VPS13B: variants seen among roughly 807,000 people sequenced by gnomAD.
VPS13B encodes vacuolar protein sorting 13 homolog B, also known as intermembrane lipid transfer protein VPS13B.
VPS13B carries 285 observed loss-of-function variants against 426.4 expected under a neutral mutation model. The ratio of observed to expected loss-of-function variants is 0.67; its 90% confidence interval spans 0.61 to 0.74. The LOEUF (loss-of-function observed/expected upper bound fraction) is 0.74, where lower values mean the gene tolerates loss of function less well. Among genes scored for constraint, VPS13B ranks in the 30% least tolerant of loss-of-function variants. VPS13B has a pLI of 0.00. For synonymous variants in VPS13B, 1,676 were observed against 1,676.4 expected, an observed-to-expected ratio of 1.00 and a Z score of 0.01; for missense variants, 4,537 against 4,782.6, an observed-to-expected ratio of 0.95 and a Z score of 1.51.
In VPS13B at chr8:99,391,635, T is replaced by G. The variant is rs1563704394; in HGVS notation, c.3013T>G (p.Leu1005Val). 1 of 1,614,106 alleles carries G rather than the reference T, an allele frequency of 6.2e-7. No individual in the cohort carries two copies. Among genetic ancestry groups the G allele is most frequent in the Non-Finnish European group, 8.5e-7 (1 of 1,179,954 alleles). Residue 1005 changes from leucine to valine, a missense_variant, in exon 21 of 62, where the codon TTG becomes GTG. Physicochemically the swap from Leu to Val is conservative, Grantham distance 32 (BLOSUM62 1). Transcript: ENST00000357162. ...EDEVSIGSAP[L>V]AKQQSYQASE... ...TGAGGTGTCTATTGGAAGTGCCCCC[T>G]TGGCAAAGCAGCAATCATATCAGGC...
intron 39 of VPS13B, among the ~76,000 whole-genome samples, chr8:99,737,695 G>C (rs866803575): frequency 1.3e-5 from 2 of 152,300 alleles, no homozygotes; most frequent in Middle Eastern, 6.8e-3. Context: ...TGAAAACCTA[G>C]AGTTATACAA....
At chr8:99,640,103 AAAG>A (rs1829293739) in intron 33 of VPS13B, among the ~76,000 whole-genome samples, 1 of 150,140 alleles carries the variant, frequency 6.7e-6, no homozygotes, top group African/African-American at 2.4e-5. Flanking sequence ...AAAGAAAAGA[AAAG>A]AAAAGAAGAA....
intron 33 of VPS13B, among the ~76,000 whole-genome samples, chr8:99,603,081 A>G (rs1018139184): frequency 4.6e-5 from 7 of 152,256 alleles, no homozygotes; most frequent in African/African-American, 1.7e-4. Flanking sequence ...GAAGAATCCA[A>G]TTGAAAGAGA....
At chr8:99,478,949 A>G (rs1345155608) in intron 24 of VPS13B, among the ~76,000 whole-genome samples, 26 of 152,110 alleles carry the variant, frequency 1.7e-4, no homozygotes, top group Admixed American at 1.7e-3. Flanking sequence ...GCATTGTTCA[A>G]CCCAGATCAC....
At chr8:99,581,691 T>C (rs868229023) in intron 33 of VPS13B, among the ~76,000 whole-genome samples, 4 of 152,324 alleles carry the variant, frequency 2.6e-5, no homozygotes, top group Middle Eastern at 3.4e-3. Context: ...GAGAGTCATG[T>C]CACGTTAATA....
intron 39 of VPS13B, among the ~76,000 whole-genome samples, chr8:99,726,781 C>G (rs1833368389): frequency 6.6e-6 from 1 of 152,172 alleles, no homozygotes; most frequent in Non-Finnish European, 1.5e-5. Context: ...GTCTCGAACT[C>G]CCGACCTCAA....
intron 16 of VPS13B, among the ~76,000 whole-genome samples, chr8:99,182,173 TA>T (rs1291608186): frequency 1.3e-5 from 2 of 152,122 alleles, no homozygotes; most frequent in African/African-American, 2.4e-5. Flanking sequence ...CACTCATCAA[TA>T]AAAAATAATG....
intron 25 of VPS13B, among the ~76,000 whole-genome samples, chr8:99,485,362 A>C (rs541626677): frequency 6.6e-6 from 1 of 152,322 alleles, no homozygotes; most frequent in South Asian, 2.1e-4. Context: ...CTTATTAATA[A>C]GGCAATAAAA....
At chr8:99,808,340 A>G (rs1813511385) in intron 43 of VPS13B, among the ~76,000 whole-genome samples, 2 of 152,032 alleles carry the variant, frequency 1.3e-5, no homozygotes, top group Admixed American at 1.3e-4. Context: ...CAACATGGTG[A>G]AACCTCATCT....
chr8:99,613,660 A>G (rs1827936943), intron 33 of VPS13B: 1 of 152,214 alleles, frequency 6.6e-6, no homozygotes, highest in Admixed American at 6.5e-5. Flanking sequence ...TAAATGTCAA[A>G]GCACCCGGGA....
intron 19 of VPS13B, 22 bp from the exon 20 acceptor site, chr8:99,384,186 G>GT (rs1476184014): frequency 6.3e-7 from 1 of 1,591,792 alleles, no homozygotes. Flanking sequence ...TTATGTAACA[G>GT]TTTAAAAATC....
chr8:99,638,549 A>G (rs537586156), intron 33 of VPS13B, among the ~76,000 whole-genome samples: 5 of 152,316 alleles, frequency 3.3e-5, no homozygotes, highest in Middle Eastern at 3.4e-3. Context: ...TGAAGTCTTC[A>G]CAAAGAAGGT....
chr8:99,164,414 T>C (rs1206662213), intron 15 of VPS13B, among the ~76,000 whole-genome samples: 1 of 152,128 alleles, frequency 6.6e-6, no homozygotes, highest in Non-Finnish European at 1.5e-5. Context: ...CTGGTTAGTG[T>C]AAAAACAACA....
At chr8:99,772,563 G>C (rs1374348796) in intron 40 of VPS13B, among the ~76,000 whole-genome samples, 1 of 151,994 alleles carries the variant, frequency 6.6e-6, no homozygotes, top group East Asian at 1.9e-4. Flanking sequence ...ACAACAATGT[G>C]AATGTACTTA....
chr8:99,640,066 G>GAAGAAGAAGAAGAA (rs1563838997), intron 33 of VPS13B, among the ~76,000 whole-genome samples: 1 of 124,192 alleles, frequency 8.1e-6, no homozygotes, highest in African/African-American at 3.0e-5. Context: ...GAAAAGAAAA[G>GAAGAAGAAGAAGAA]AAAAGAAAAG....
intron 19 of VPS13B, among the ~76,000 whole-genome samples, chr8:99,280,026 G>T (rs11985671): frequency 1 from 152,326 of 152,328 alleles, 76,162 homozygotes; most frequent in Non-Finnish European, 1. Context: ...GCCTCTGCCT[G>T]CCAAAGTCCT....
chr8:99,761,403 T>C (rs1221711922), intron 39 of VPS13B, among the ~76,000 whole-genome samples: 1 of 152,206 alleles, frequency 6.6e-6, no homozygotes, highest in East Asian at 1.9e-4. Flanking sequence ...ACCCCACTGT[T>C]GGTGCAGTCC....
In VPS13B at chr8:99,533,884, C is replaced by A. The variant is rs182731448; in HGVS notation, c.4745+12874C>A. Reference sequence around the variant, plus strand: ...GATGCAGTGTTAAGATTAAATTCTACAAATCCCCACAAAACTGTTTCCTCC... The same window carrying A: ...GATGCAGTGTTAAGATTAAATTCTAAAAATCCCCACAAAACTGTTTCCTCC... On this transcript the variant is annotated intron_variant, in intron 30 of 61. Coordinates refer to ENST00000357162, the MANE Select transcript of VPS13B (RefSeq NM_152564.5). Among the ~76,000 whole-genome samples the A allele has an allele frequency of 1.5e-4, 23 of 152,264 alleles. No individual in the cohort carries two copies. In the East Asian group the frequency reaches 4.4e-3, roughly 29 times the overall value.
chr8:99,152,973 T>C (rs1811153212), intron 14 of VPS13B, among the ~76,000 whole-genome samples: 1 of 152,152 alleles, frequency 6.6e-6, no homozygotes, highest in African/African-American at 2.4e-5. Flanking sequence ...GCCCAGGAGT[T>C]TGAGACCAGC....
Sources: allele counts gnomAD v4.1 joint callset (sites outside exome capture counted in the v4.1 genomes callset), GRCh38; gene constraint gnomAD v4.1.1; transcripts MANE v1.5; gene names NCBI Gene and HGNC (gene_info 2026-07-23, HGNC 2026-07-21).